Variants in ATRNL1 observed in about 807,000 individuals in gnomAD.
ATRNL1 encodes the protein attractin like 1, also known as attractin-like protein 1.
Under a neutral mutation model 182.7 loss-of-function variants are expected in ATRNL1, and 95 were observed. The observed-to-expected ratio is 0.52, with a 90% confidence interval of 0.44 to 0.62. ATRNL1 has a LOEUF of 0.62. Ranked by LOEUF, ATRNL1 falls within the 20% of genes least tolerant of loss-of-function variation. The pLI is 0.00. For synonymous variants in ATRNL1, 576 were observed against 568.3 expected, an observed-to-expected ratio of 1.01 and a Z score of -0.19; for missense variants, 1,471 against 1,679.5, an observed-to-expected ratio of 0.88 and a Z score of 2.17.
At chr10:115,859,378 C>T (rs1192602419) in intron 28 of ATRNL1, among the ~76,000 whole-genome samples, 1 of 151,960 alleles carries the variant, frequency 6.6e-6, no homozygotes, top group Non-Finnish European at 1.5e-5. Flanking sequence ...ATTACCCCTC[C>T]CTCATATTTA....
At chr10:115,323,035 G>A (rs1854663158) in intron 18 of ATRNL1, among the ~76,000 whole-genome samples, 1 of 151,852 alleles carries the variant, frequency 6.6e-6, no homozygotes, top group Non-Finnish European at 1.5e-5. Context: ...CATCAAATTT[G>A]AGTTTTCAGA....
Position 115,334,274 on chromosome 10 carries a change from T to A in ATRNL1, c.3038-8T>A. 1 of 1,504,444 alleles carries A rather than the reference T, an allele frequency of 6.6e-7. No individual in the cohort carries two copies. Among genetic ancestry groups the A allele is most frequent in the Non-Finnish European group, 9.0e-7 (1 of 1,109,786 alleles). 93.2% of individuals were successfully genotyped at this position (1,504,444 alleles called of 1,614,324 possible). ...GATATTTGTAATGCTTTTTACTGTT[T>A]CCTTTAGCTTGCCAGTGTAATGGAC... On this transcript the variant is annotated splice_polypyrimidine_tract_variant and splice_region_variant and intron_variant, in intron 18 of 28. Transcript: ENST00000355044.
At chr10:115,715,931 C>T (rs782695610) in intron 26 of ATRNL1, among the ~76,000 whole-genome samples, 3 of 152,134 alleles carry the variant, frequency 2.0e-5, no homozygotes, top group Non-Finnish European at 4.4e-5. Flanking sequence ...ATGAGTTACT[C>T]CAATGAGCCT....
At chr10:115,349,201 AACATGAG>A (rs1856117000) in intron 19 of ATRNL1, among the ~76,000 whole-genome samples, 1 of 152,220 alleles carries the variant, frequency 6.6e-6, no homozygotes, top group African/African-American at 2.4e-5. Context: ...TATGAATGAG[AACATGAG>A]ACATTTGTCT....
chr10:115,212,176 A>G (rs1554895157), intron 8 of ATRNL1, among the ~76,000 whole-genome samples: 1 of 149,158 alleles, frequency 6.7e-6, no homozygotes, highest in East Asian at 2.0e-4. Context: ...CCCTTGCCCC[A>G]CTCCCTCTCT....
At chr10:115,364,520 CT>C (rs1258456743) in intron 19 of ATRNL1, among the ~76,000 whole-genome samples, 1 of 147,552 alleles carries the variant, frequency 6.8e-6, no homozygotes, top group Non-Finnish European at 1.5e-5. Context: ...TTTCCTTCTC[CT>C]GCCTAATTGC....
chr10:115,364,274 T>C (rs1487912565), intron 19 of ATRNL1, among the ~76,000 whole-genome samples: 1 of 124,694 alleles, frequency 8.0e-6, no homozygotes, highest in African/African-American at 3.0e-5. Context: ...TTATTCTCTT[T>C]GAAGCAATTG....
At chr10:115,659,839 A>G (rs1157031961) in intron 26 of ATRNL1, among the ~76,000 whole-genome samples, 1 of 152,138 alleles carries the variant, frequency 6.6e-6, no homozygotes, top group African/African-American at 2.4e-5. Flanking sequence ...TTACAAAACC[A>G]AAAAAGGAAG....
intron 27 of ATRNL1, among the ~76,000 whole-genome samples, chr10:115,826,509 T>C (rs1228509019): frequency 2.6e-5 from 4 of 152,164 alleles, no homozygotes; most frequent in East Asian, 1.9e-4. Flanking sequence ...GGAAACAATG[T>C]TACAGCCCTT....
At chr10:115,304,266 AC>A (rs1384348427) in intron 17 of ATRNL1, among the ~76,000 whole-genome samples, 1 of 152,208 alleles carries the variant, frequency 6.6e-6, no homozygotes, top group Non-Finnish European at 1.5e-5. Context: ...TGATGAAAAT[AC>A]AAACAACTAT....
At chr10:115,223,929 A>ATATATATATATATATTTTTTTT (rs1420143943) in intron 9 of ATRNL1, among the ~76,000 whole-genome samples, 1 of 44,714 alleles carries the variant, frequency 2.2e-5, no homozygotes, top group African/African-American at 9.2e-5. Context: ...ATATATATAT[A>ATATATATATATATATTTTTTTT]TTTTTTTTTT....
chr10:115,132,247 A>T (rs1379093011), intron 5 of ATRNL1, among the ~76,000 whole-genome samples: 1 of 152,170 alleles, frequency 6.6e-6, no homozygotes, highest in Non-Finnish European at 1.5e-5. Context: ...ATGTCCCTAC[A>T]AAGGACATGA....
At chr10:115,170,294 T>A (rs1239812618) in intron 7 of ATRNL1, among the ~76,000 whole-genome samples, 1 of 152,092 alleles carries the variant, frequency 6.6e-6, no homozygotes, top group Non-Finnish European at 1.5e-5. Flanking sequence ...GTTGGAAAAA[T>A]TTTTTTCTAT....
At chr10:115,904,061 A>G (rs148428721) in intron 28 of ATRNL1, among the ~76,000 whole-genome samples, 3 of 152,270 alleles carry the variant, frequency 2.0e-5, no homozygotes, top group Non-Finnish European at 4.4e-5. Context: ...TGTGGGAGGC[A>G]GTGTGGGGAA....
chr10:115,380,031 C>T (rs1857906771), intron 19 of ATRNL1, among the ~76,000 whole-genome samples: 1 of 152,156 alleles, frequency 6.6e-6, no homozygotes, highest in African/African-American at 2.4e-5. Flanking sequence ...GGGGTTTCAC[C>T]CTGGTAGCCA....
At chr10:115,795,057 A>T (rs962752965) in intron 27 of ATRNL1, among the ~76,000 whole-genome samples, 2 of 152,118 alleles carry the variant, frequency 1.3e-5, no homozygotes, top group Non-Finnish European at 2.9e-5. Context: ...AAGATATTCC[A>T]GTCTCATCTT....
At chr10:115,420,984 A>AGATT (rs1845624007) in intron 20 of ATRNL1, among the ~76,000 whole-genome samples, 1 of 152,158 alleles carries the variant, frequency 6.6e-6, no homozygotes, top group South Asian at 2.1e-4. Context: ...TATCTTACCA[A>AGATT]GATTGGATCA....
chr10:115,883,347 C>T (rs1555109067), intron 28 of ATRNL1, among the ~76,000 whole-genome samples: 2 of 152,226 alleles, frequency 1.3e-5, no homozygotes, highest in South Asian at 2.1e-4. Context: ...GAATGAGCTA[C>T]AGCTGTTGGG....
intron 10 of ATRNL1, among the ~76,000 whole-genome samples, chr10:115,263,390 T>C (rs1229719282): frequency 6.6e-6 from 1 of 151,828 alleles, no homozygotes; most frequent in African/African-American, 2.4e-5. Flanking sequence ...TGAACCCTTT[T>C]GCATTACTGG....
Sources: allele counts gnomAD v4.1 joint callset (sites outside exome capture counted in the v4.1 genomes callset), GRCh38; gene constraint gnomAD v4.1.1; transcripts MANE v1.5; gene names NCBI Gene and HGNC (gene_info 2026-07-23, HGNC 2026-07-21).